CDH4: variants seen among roughly 807,000 people sequenced by gnomAD.
The protein encoded by CDH4 is cadherin-4.
In CDH4, 33 loss-of-function variants were observed where a neutral mutation model predicts 86.0. The observed-to-expected ratio is 0.38, with a 90% CI of 0.29 to 0.51. CDH4 has a LOEUF of 0.51. Among genes scored for constraint, CDH4 ranks in the 20% least tolerant of loss-of-function variants. CDH4 has a pLI of 0.86. For synonymous variants in CDH4, 555 were observed against 549.4 expected, an observed-to-expected ratio of 1.01 and a Z score of -0.14; for missense variants, 1,114 against 1,307.4, an observed-to-expected ratio of 0.85 and a Z score of 2.28.
intron 2 of CDH4, among the ~76,000 whole-genome samples, chr20:61,438,310 T>G (rs2145527903): frequency 6.6e-6 from 1 of 152,360 alleles, no homozygotes; most frequent in South Asian, 2.1e-4. Flanking sequence ...CCATGAAGAA[T>G]TCACATTATA....
In CDH4 at chr20:61,852,851, T is replaced by A; in HGVS notation, c.830T>A (p.Phe277Tyr). ...GACATGAATGACAACCGCCCTGAGT[T>A]CATCAACCAGGTCTACAACGGCTCC... The part of the protein sequence containing the change: ...VIDMNDNRPE[F>Y]INQVYNGSVD... Residue 277 changes from phenylalanine to tyrosine, a missense_variant, in exon 6 of 16, where the codon TTC (phenylalanine) becomes TAC (tyrosine). Phe to Tyr is a conservative substitution (Grantham distance 22, BLOSUM62 3). This residue lies in a region of CDH4 where 705 missense variants were observed against 914.1 expected (regional missense o/e 0.77). Transcript: ENST00000614565. The A allele has an allele frequency of 6.2e-7, 1 of 1,614,066 alleles. No homozygotes were observed. The highest frequency in any genetic ancestry group is 8.5e-7 in the Non-Finnish European group (1 of 1,179,966).
At chr20:61,592,214 A>T (rs1449001383) in intron 2 of CDH4, among the ~76,000 whole-genome samples, 1 of 152,192 alleles carries the variant, frequency 6.6e-6, no homozygotes, top group East Asian at 1.9e-4. Context: ...GTAATAAGAA[A>T]TATATTTAAG....
intron 15 of CDH4, 39 bp downstream of exon 15, chr20:61,934,259 T>C: frequency 6.7e-7 from 1 of 1,497,694 alleles, no homozygotes. Context: ...GGGCAAGGTG[T>C]CTCCTCTAAA....
intron 4 of CDH4, among the ~76,000 whole-genome samples, chr20:61,843,381 C>T (rs867384167): frequency 5.9e-4 from 84 of 141,752 alleles, no homozygotes; most frequent in African/African-American, 2.1e-3. Flanking sequence ...ACCCAGGAAG[C>T]GGAGCTTGCA....
At position 61,461,259 on chromosome 20, in the gene CDH4, G is replaced by A. The variant is rs747933512; in HGVS notation, c.169+206322G>A. Among the ~76,000 whole-genome samples the A allele has an allele frequency of 8.5e-5, 13 of 152,136 alleles. No homozygotes were observed. The East Asian group carries it at 2.5e-3, about 29-fold the overall frequency. ...GTGCATCAGCAAGAAAGACAGCAAGGAAGACAGCCTTATGCGTTCCCTGCA... is the reference window on the plus strand; with the variant it reads ...GTGCATCAGCAAGAAAGACAGCAAGAAAGACAGCCTTATGCGTTCCCTGCA... On this transcript the variant is annotated intron_variant, in intron 2 of 15. Transcript: ENST00000614565.
At chr20:61,526,541 A>C (rs1297270574) in intron 2 of CDH4, among the ~76,000 whole-genome samples, 2 of 151,180 alleles carry the variant, frequency 1.3e-5, no homozygotes, top group Non-Finnish European at 2.9e-5. Context: ...GTACATGTGC[A>C]CAATGTGCAG....
At chr20:61,621,186 C>A (rs1196847337) in intron 2 of CDH4, among the ~76,000 whole-genome samples, 6 of 152,182 alleles carry the variant, frequency 3.9e-5, no homozygotes, top group Non-Finnish European at 7.3e-5. Context: ...GCGGAGTGTG[C>A]ATGTAAGAAA....
chr20:61,665,711 G>A (rs1409220048), intron 2 of CDH4, among the ~76,000 whole-genome samples: 1 of 152,330 alleles, frequency 6.6e-6, no homozygotes, highest in African/African-American at 2.4e-5. Flanking sequence ...GCCAAGGGCA[G>A]CTGAGCTGTC....
rs1001046801 is a variant in CDH4 at position 61,744,156 on chromosome 20, G to A, written c.396+367G>A. On this transcript the variant is annotated intron_variant, in intron 3 of 15. Coordinates refer to ENST00000614565, the MANE Select transcript of CDH4 (RefSeq NM_001794.5). ...AAGTTTGTAGTCCACCAGGCCCAGG[G>A]CGTTCTGAAGCCTGGAGGGATGAGA... 6.6e-5 allele frequency among the ~76,000 whole-genome samples: 10 copies of A among 152,234 alleles called. No individual in the cohort carries two copies. In the East Asian group the frequency reaches 1.3e-3, roughly 21 times the overall value.
intron 4 of CDH4, among the ~76,000 whole-genome samples, chr20:61,822,500 G>A (rs201340673): frequency 5.3e-5 from 8 of 151,928 alleles, no homozygotes; most frequent in South Asian, 2.1e-4. Flanking sequence ...GGTGTGGTTC[G>A]GCGACCTCGC....
intron 2 of CDH4, among the ~76,000 whole-genome samples, chr20:61,407,396 G>T (rs540043750): frequency 6.6e-6 from 1 of 152,144 alleles, no homozygotes; most frequent in African/African-American, 2.4e-5. Context: ...TGTTGTCACC[G>T]AACCCTGGGG....
rs1389886727 is a variant in CDH4, at chr20:61,544,798, C to T, written c.170-198765C>T. ...GAAGCCTGACTCCCCCGACAGCCCT[C>T]CCTGCCCCCGAGGAAGGAACCTTGT... is the stretch of plus-strand genomic sequence containing the variant. On this transcript the variant is annotated intron_variant, in intron 2 of 15. Transcript: ENST00000614565. The surrounding 1 kb of genome is among the most constrained non-coding windows in gnomAD (Gnocchi z 6.5). Among the ~76,000 whole-genome samples the T allele has an allele frequency of 1.3e-5, 2 of 152,124 alleles. No individual in the cohort carries two copies. The highest frequency in any genetic ancestry group is 3.2e-3 in the Middle Eastern group (1 of 316).
chr20:61,762,374 A>G (rs1433742532), intron 3 of CDH4, among the ~76,000 whole-genome samples: 3 of 152,210 alleles, frequency 2.0e-5, no homozygotes, highest in African/African-American at 7.2e-5. Context: ...TTTCTCATTC[A>G]CACCAAAAAC....
chr20:61,620,512 TCGTACATA>T (rs1399614524), intron 2 of CDH4, among the ~76,000 whole-genome samples: 3 of 150,450 alleles, frequency 2.0e-5, no homozygotes, highest in Non-Finnish European at 3.0e-5. Context: ...GATGATAGAT[TCGTACATA>T]CATACATACA....
chr20:61,317,711 A>G (rs1336162926), intron 2 of CDH4, among the ~76,000 whole-genome samples: 1 of 152,150 alleles, frequency 6.6e-6, no homozygotes, highest in East Asian at 1.9e-4. Context: ...GATGTTGCCC[A>G]GTGTCCCCTG....
intron 2 of CDH4, among the ~76,000 whole-genome samples, chr20:61,626,466 C>T (rs979842399): frequency 1.4e-5 from 2 of 144,014 alleles, no homozygotes; most frequent in African/African-American, 5.3e-5. Flanking sequence ...GAGAAGCACC[C>T]GTGTTCCCGA....
At chr20:61,862,321 G>A (rs547671592) in intron 6 of CDH4, among the ~76,000 whole-genome samples, 59 of 152,256 alleles carry the variant, frequency 3.9e-4, no homozygotes, top group African/African-American at 9.4e-4. Flanking sequence ...GCCTGACCCC[G>A]GGGGCAGCTC....
intron 2 of CDH4, among the ~76,000 whole-genome samples, chr20:61,292,821 A>G (rs532418355): frequency 6.6e-6 from 1 of 152,348 alleles, no homozygotes; most frequent in African/African-American, 2.4e-5. Flanking sequence ...CCTCTGTTCA[A>G]TGAAGGAGTT....
rs541754856 is a variant in CDH4 at position 61,712,201 on chromosome 20, G to A, written c.170-31362G>A. On this transcript the variant is annotated intron_variant, in intron 2 of 15. Transcript: ENST00000614565. ...CCGTCTCCACCAAGCCAAGTAAGCT[G>A]TGTCCAGACTTTGGACTTGATCCGT... 3.9e-5 allele frequency among the ~76,000 whole-genome samples: 6 copies of A among 152,312 alleles called. No individual in the cohort carries two copies. In the South Asian group the frequency reaches 1.2e-3, roughly 32 times the overall value.
Sources: gnomAD v4.1 joint callset for allele counts (sites outside exome capture counted in the v4.1 genomes callset) on GRCh38, gnomAD v4.1.1 for gene constraint, gnomAD v4.1.1 regional missense constraint, Gnocchi (gnomAD v3.1) non-coding constraint, MANE v1.5 for transcripts, NCBI Gene and HGNC (gene_info 2026-07-23, HGNC 2026-07-21) for gene names.